Variants in GRID1 observed in about 807,000 individuals in gnomAD.
GRID1 encodes the protein glutamate ionotropic receptor delta type subunit 1.
GRID1 carries 28 observed loss-of-function variants against 98.0 expected under a neutral mutation model. The observed-to-expected ratio is 0.29, with a 90% CI of 0.21 to 0.39. GRID1 has a LOEUF of 0.39. Among genes scored for constraint, GRID1 ranks in the 10% least tolerant of loss-of-function variants. GRID1 has a pLI of 1.00. For synonymous variants in GRID1, 553 were observed against 538.5 expected (o/e 1.03, Z -0.37); for missense variants, 1,111 against 1,340.5 (o/e 0.83, Z 2.67).
intron 4 of GRID1, among the ~76,000 whole-genome samples, chr10:86,127,888 CA>C (rs972701069): frequency 6.6e-6 from 1 of 152,192 alleles, no homozygotes; most frequent in Non-Finnish European, 1.5e-5. Flanking sequence ...TCCACAGGCA[CA>C]ATAATGAAAC....
At chr10:85,756,942 G>A (rs1230673303) in intron 8 of GRID1, among the ~76,000 whole-genome samples, 1 of 152,168 alleles carries the variant, frequency 6.6e-6, no homozygotes, top group Non-Finnish European at 1.5e-5. Flanking sequence ...CGGAGACTGA[G>A]GCAAAGTGTA....
At chr10:85,723,995 T>A (rs1051388850) in intron 11 of GRID1, among the ~76,000 whole-genome samples, 1 of 152,212 alleles carries the variant, frequency 6.6e-6, no homozygotes, top group African/African-American at 2.4e-5. Flanking sequence ...ATTGGGATTT[T>A]TTTTCCCCAT....
chr10:86,317,504 T>C (rs4933387), intron 2 of GRID1, among the ~76,000 whole-genome samples: 80,211 of 152,046 alleles, frequency 0.53, 24,496 homozygotes, highest in Non-Finnish European at 0.68. Flanking sequence ...AAGTGTGGAT[T>C]CTCCATACTG....
chr10:85,663,157 C>A (rs775530997), intron 12 of GRID1, among the ~76,000 whole-genome samples: 2 of 152,166 alleles, frequency 1.3e-5, no homozygotes, highest in Non-Finnish European at 2.9e-5. Flanking sequence ...GGCATCCTAA[C>A]CCCTAGTACC....
intron 4 of GRID1, among the ~76,000 whole-genome samples, chr10:86,005,384 A>G (rs915342416): frequency 1.3e-5 from 2 of 152,190 alleles, no homozygotes; most frequent in East Asian, 3.9e-4. Context: ...GCCCTCTCAT[A>G]AAAGGCTACC....
chr10:85,942,859 CAT>C (rs1329457896), intron 4 of GRID1, among the ~76,000 whole-genome samples: 7 of 151,964 alleles, frequency 4.6e-5, no homozygotes, highest in South Asian at 2.1e-4. Context: ...AAATACTACA[CAT>C]GTCTTTGGTT....
chr10:86,215,718 C>T (rs949174432), intron 2 of GRID1, among the ~76,000 whole-genome samples: 1 of 152,214 alleles, frequency 6.6e-6, no homozygotes, highest in African/African-American at 2.4e-5. Context: ...CACAAGATGT[C>T]ACCTCCTCAC....
intron 4 of GRID1, among the ~76,000 whole-genome samples, chr10:86,054,403 A>G (rs1320955799): frequency 6.6e-6 from 1 of 152,194 alleles, no homozygotes; most frequent in Non-Finnish European, 1.5e-5. Flanking sequence ...CTCATCAAAG[A>G]TGACTTGTTG....
intron 2 of GRID1, among the ~76,000 whole-genome samples, chr10:86,339,338 C>A (rs1848276366): frequency 2.0e-5 from 3 of 152,206 alleles, no homozygotes; most frequent in African/African-American, 7.2e-5. Context: ...CAGGCCAGGG[C>A]ACCTCAAAGC....
chr10:86,175,910 T>C (rs1238951442), intron 3 of GRID1, among the ~76,000 whole-genome samples: 2 of 152,202 alleles, frequency 1.3e-5, no homozygotes, highest in Non-Finnish European at 2.9e-5. Context: ...GGTTTCTCCA[T>C]GTTGGTCAGG....
At chr10:86,308,021 G>A (rs1847782843) in intron 2 of GRID1, among the ~76,000 whole-genome samples, 1 of 152,134 alleles carries the variant, frequency 6.6e-6, no homozygotes, top group African/African-American at 2.4e-5. Context: ...TCATACAACT[G>A]TAGGTTTATA....
chr10:85,880,980 C>T (rs552104882), intron 5 of GRID1, among the ~76,000 whole-genome samples: 2 of 152,238 alleles, frequency 1.3e-5, no homozygotes, highest in African/African-American at 4.8e-5. Flanking sequence ...ACACCAATAA[C>T]AGACAAACAG....
At chr10:85,791,364 A>G (rs566628812) in intron 8 of GRID1, among the ~76,000 whole-genome samples, 1 of 152,364 alleles carries the variant, frequency 6.6e-6, no homozygotes, top group South Asian at 2.1e-4. Context: ...GAATTTTCTG[A>G]AAGTTCCCTT....
At chr10:86,023,448 C>T (rs1843076384) in intron 4 of GRID1, among the ~76,000 whole-genome samples, 1 of 152,138 alleles carries the variant, frequency 6.6e-6, no homozygotes, top group African/African-American at 2.4e-5. Flanking sequence ...TGTCTTTGCC[C>T]ATCCCGTCTC....
intron 3 of GRID1, among the ~76,000 whole-genome samples, chr10:86,183,875 T>C (rs927547894): frequency 2.5e-4 from 38 of 152,242 alleles, no homozygotes; most frequent in African/African-American, 7.2e-4. Context: ...GCATTTTACA[T>C]TATTCCCAGC....
intron 4 of GRID1, among the ~76,000 whole-genome samples, chr10:85,945,497 T>G (rs1057316983): frequency 6.6e-6 from 1 of 152,206 alleles, no homozygotes; most frequent in African/African-American, 2.4e-5. Context: ...ATGTCCAAAC[T>G]GAAGAAGTTC....
chr10:85,617,541 AC>A (rs1477469393), intron 14 of GRID1, among the ~76,000 whole-genome samples: 1 of 151,952 alleles, frequency 6.6e-6, no homozygotes, highest in Non-Finnish European at 1.5e-5. Context: ...CTTTTAAAGA[AC>A]CACTGGCATC....
rs112496436 is a variant in GRID1 at position 85,655,762 on chromosome 10, C to T, written c.1998-8365G>A. 2.9e-3 allele frequency among the ~76,000 whole-genome samples: 439 copies of T among 152,290 alleles called. 4 individuals are homozygous for T. The highest frequency in any genetic ancestry group is 9.7e-3 in the African/African-American group (404 of 41,566). On this transcript the variant is annotated intron_variant, in intron 12 of 15. Coordinates refer to ENST00000327946, the MANE Select transcript of GRID1 (RefSeq NM_017551.3). ...CTTTGCTTTTCTAGAGAACTCCCTT[C>T]TCGAAAACTAGTGAATAGTTGCCTT... is the stretch of plus-strand genomic sequence containing the variant.
intron 2 of GRID1, among the ~76,000 whole-genome samples, chr10:86,228,961 G>C (rs1011585830): frequency 2.0e-5 from 3 of 152,186 alleles, no homozygotes; most frequent in Non-Finnish European, 4.4e-5. Context: ...TGCTCCACTT[G>C]CTCAGAGGCA....
Sources: allele counts gnomAD v4.1 joint callset (sites outside exome capture counted in the v4.1 genomes callset), GRCh38; gene constraint gnomAD v4.1.1; transcripts MANE v1.5; gene names NCBI Gene and HGNC (gene_info 2026-07-23, HGNC 2026-07-21).